The following RAI1 variants were observed in gnomAD, a reference collection of about 807,000 sequenced individuals.
The protein encoded by RAI1 is retinoic acid-induced protein 1.
A neutral mutation model predicts 123.8 loss-of-function variants in RAI1; 9 were observed. That is an observed-to-expected ratio of 0.07 (90% CI 0.04 to 0.13). RAI1 has a LOEUF of 0.13. RAI1 is among the 10% of genes least tolerant of loss of function. RAI1 has a pLI of 1.00. For synonymous variants in RAI1, 1,231 were observed against 1,127.3 expected (o/e 1.09, Z -1.84); for missense variants, 2,256 against 2,545.8 (o/e 0.89, Z 2.45).
chr17:17,683,541 G>A (rs1914518071), intron 1 of RAI1: 1 of 152,252 alleles, frequency 6.6e-6, no homozygotes, highest in Non-Finnish European at 1.5e-5. Context: ...TCCCCCTCTT[G>A]ACAGGCAAGC....
At chr17:17,767,104 C>T (rs1343036060) in intron 2 of RAI1, among the ~76,000 whole-genome samples, 1 of 152,168 alleles carries the variant, frequency 6.6e-6, no homozygotes, top group Non-Finnish European at 1.5e-5. Flanking sequence ...TCCAGGAACC[C>T]CCCACAGCCC....
Position 17,708,699 on chromosome 17 carries a change from CTCTT to C in RAI1, c.-148-15325_-148-15322del, listed in dbSNP as rs1451353768. On this transcript the variant is annotated intron_variant, in intron 1 of 5. Transcript: ENST00000353383. The stretch of plus-strand genomic sequence containing the variant: ...CTCCTGTGACTCCTGGCAGCTCACT[CTCTT>C]TCTAGCGACTGAGGGCCTCTGGACA... Among the ~76,000 whole-genome samples, 5 of 152,172 alleles carry C rather than the reference CTCTT, an allele frequency of 3.3e-5. No individual in the cohort carries two copies. The East Asian group carries it at 9.6e-4, about 29-fold the overall frequency.
chr17:17,681,845 C>CG, intron 1 of RAI1, 52 bp downstream of exon 1: 1 of 250,336 alleles, frequency 4.0e-6, no homozygotes, highest in Non-Finnish European at 7.6e-6. Flanking sequence ...TGCCCCGGGG[C>CG]GGGGGCGGCG....
Position 17,799,712 on chromosome 17 carries a change from C to T in RAI1, c.5565+1199C>T, listed in dbSNP as rs2032390601. Among the ~76,000 whole-genome samples, 1 of 152,216 alleles carries T rather than the reference C, an allele frequency of 6.6e-6. No homozygotes were observed. The highest frequency in any genetic ancestry group is 2.4e-5 in the African/African-American group (1 of 41,456). ...TCCAGAGGCCCTGGACAAACACTGCCTGCATCTGAGTGATTCAGTGACCCA... is the reference window on the plus strand; with the variant it reads ...TCCAGAGGCCCTGGACAAACACTGCTTGCATCTGAGTGATTCAGTGACCCA... On this transcript the variant is annotated intron_variant, in intron 3 of 5. Transcript: ENST00000353383. The surrounding 1 kb of genome is among the most constrained non-coding windows in gnomAD (Gnocchi z 4.5).
intron 1 of RAI1, among the ~76,000 whole-genome samples, chr17:17,710,067 C>T (rs1386797057): frequency 6.6e-6 from 1 of 152,178 alleles, no homozygotes; most frequent in Non-Finnish European, 1.5e-5. Flanking sequence ...GCACCACTCG[C>T]CTAGCCCCGG....
At chr17:17,741,703 C>T (rs1263469973) in intron 2 of RAI1, among the ~76,000 whole-genome samples, 1 of 152,218 alleles carries the variant, frequency 6.6e-6, no homozygotes, top group African/African-American at 2.4e-5. Context: ...GCCTTTGCGT[C>T]TCAGGAAAGC....
In RAI1 at chr17:17,751,158, C is replaced by T. The variant is rs561666760; in HGVS notation, c.-17+26999C>T. ...AAAGCGGGAGGGAGGGGTGTGTGGC[C>T]AGTGCTAGGATGGGGTCTGTATGGA... is the stretch of plus-strand genomic sequence containing the variant. On this transcript the variant is annotated intron_variant, in intron 2 of 5. Coordinates refer to ENST00000353383, the MANE Select transcript of RAI1 (RefSeq NM_030665.4). Among the ~76,000 whole-genome samples the T allele has an allele frequency of 1.8e-4, 28 of 152,272 alleles. No individual in the cohort carries two copies. The South Asian group carries it at 5.2e-3, about 28-fold the overall frequency.
intron 2 of RAI1, among the ~76,000 whole-genome samples, chr17:17,741,374 G>T (rs1297287483): frequency 6.6e-6 from 1 of 152,232 alleles, no homozygotes. Context: ...TGAGCAGGGG[G>T]ACCCTCCCTC....
intron 1 of RAI1, among the ~76,000 whole-genome samples, chr17:17,713,415 G>A (rs1451341349): frequency 1.3e-5 from 2 of 152,122 alleles, no homozygotes; most frequent in African/African-American, 2.4e-5. Flanking sequence ...CGAGGTGCAC[G>A]GATCACCTGA....
intron 2 of RAI1, among the ~76,000 whole-genome samples, chr17:17,752,446 C>G (rs1252696812): frequency 6.6e-6 from 1 of 151,768 alleles, no homozygotes; most frequent in African/African-American, 2.4e-5. Context: ...CGGGCGCGGC[C>G]GCGCGCGGCT....
At chr17:17,682,376 C>G (rs1368754786) in intron 1 of RAI1, 1 of 151,622 alleles carries the variant, frequency 6.6e-6, no homozygotes, top group African/African-American at 2.4e-5. Context: ...TGCGCAGGCC[C>G]CGAGGCCGGG....
chr17:17,778,952 C>T, intron 2 of RAI1: 1 of 456,184 alleles, frequency 2.2e-6, no homozygotes, highest in Non-Finnish European at 4.4e-6. Flanking sequence ...GGCCAGTGCA[C>T]AGAGTATTCT....
At chr17:17,709,340 GC>G (rs926205874) in intron 1 of RAI1, among the ~76,000 whole-genome samples, 1 of 152,098 alleles carries the variant, frequency 6.6e-6, no homozygotes, top group Non-Finnish European at 1.5e-5. Flanking sequence ...ACTCAGGCGG[GC>G]TCCTCTCAGT....
chr17:17,741,623 G>A (rs773140251), intron 2 of RAI1, among the ~76,000 whole-genome samples: 6 of 152,178 alleles, frequency 3.9e-5, no homozygotes, highest in South Asian at 2.1e-4. Flanking sequence ...TTGTTTCTCC[G>A]GGAGCTCAAT....
chr17:17,784,296 A>G (rs2142999587), intron 2 of RAI1, among the ~76,000 whole-genome samples: 1 of 152,296 alleles, frequency 6.6e-6, no homozygotes, highest in Non-Finnish European at 1.5e-5. Flanking sequence ...GGGGTGTCAA[A>G]GGCAGGGAAG....
Position 17,810,438 on chromosome 17 carries a change from TG to T in RAI1, c.*462del, listed in dbSNP as rs1306561323. The T allele has an allele frequency of 9.3e-6, 2 of 214,926 alleles. No individual in the cohort carries two copies. Among genetic ancestry groups the T allele is most frequent in the Non-Finnish European group, 1.9e-5 (2 of 106,076 alleles). 13.3% of individuals were successfully genotyped at this position (214,926 alleles called of 1,614,324 possible). ...CAGCTGGGAGCCCTGGGCTTGGGGGTGGGGGTCGAAACAGTACTGGAAGAGG... is the reference window on the plus strand; with the variant it reads ...CAGCTGGGAGCCCTGGGCTTGGGGGTGGGGTCGAAACAGTACTGGAAGAGG... On this transcript the variant is annotated 3_prime_UTR_variant, in exon 6 of 6. Coordinates refer to ENST00000353383, the MANE Select transcript of RAI1 (RefSeq NM_030665.4). This position sits in a 1 kb window ranked among gnomAD's most constrained non-coding sequence, Gnocchi z 4.6.
At chr17:17,739,163 G>A (rs1475759666) in intron 2 of RAI1, among the ~76,000 whole-genome samples, 4 of 152,170 alleles carry the variant, frequency 2.6e-5, no homozygotes, top group African/African-American at 9.7e-5. Context: ...GGGCAGCCAC[G>A]TGCCCAGTAA....
chr17:17,795,237 C>T lies in RAI1; in HGVS notation c.2289C>T (p.Gly763=), dbSNP rs373122014. ...DACPRWGLHP[G]ELTKGLEQGG... is the part of the protein sequence containing the mutation. ...GTCCCAGGTGGGGATTGCACCCTGG[C>T]GAGCTTACCAAGGGCCTGGAGCAGG... The change falls in exon 3 of 6, where the codon GGC becomes GGT. Residue 763 remains glycine (G), a synonymous_variant. Coordinates refer to ENST00000353383, the MANE Select transcript of RAI1 (RefSeq NM_030665.4). The surrounding 1 kb of genome is among the most constrained non-coding windows in gnomAD (Gnocchi z 5.9). The T allele has an allele frequency of 6.8e-6, 11 of 1,613,836 alleles. No individual in the cohort carries two copies. In the African/African-American group the frequency reaches 9.4e-5, roughly 14 times the overall value.
intron 2 of RAI1, among the ~76,000 whole-genome samples, chr17:17,750,924 G>T (rs2030140322): frequency 6.6e-6 from 1 of 152,290 alleles, no homozygotes; most frequent in South Asian, 2.1e-4. Flanking sequence ...CTCTCTGAGG[G>T]TCTGGGCCAG....
Sources: gnomAD v4.1 joint callset for allele counts (sites outside exome capture counted in the v4.1 genomes callset) on GRCh38, gnomAD v4.1.1 for gene constraint, Gnocchi (gnomAD v3.1) non-coding constraint, MANE v1.5 for transcripts, NCBI Gene and HGNC (gene_info 2026-07-23, HGNC 2026-07-21) for gene names.